LAMA3: variants seen among roughly 807,000 people sequenced by gnomAD.
LAMA3 encodes laminin subunit alpha-3.
LAMA3 carries 281 observed loss-of-function variants against 402.0 expected under a neutral mutation model. That is an observed-to-expected ratio of 0.70 (90% CI 0.63 to 0.77). LAMA3 has a LOEUF of 0.77. LAMA3 is among the 30% of genes least tolerant of loss of function. LAMA3 has a pLI of 0.00. For synonymous variants in LAMA3, 1,431 were observed against 1,558.4 expected (o/e 0.92, Z 1.93); for missense variants, 3,840 against 4,215.5 (o/e 0.91, Z 2.47).
At chr18:23,706,287 G>A (rs2060887767) in intron 1 of LAMA3, among the ~76,000 whole-genome samples, 2 of 152,172 alleles carry the variant, frequency 1.3e-5, no homozygotes, top group African/African-American at 4.8e-5. Context: ...TGTGAATAGT[G>A]TTGAATATAA....
intron 27 of LAMA3, among the ~76,000 whole-genome samples, 170 bp downstream of exon 27, chr18:23,840,099 A>T (rs563914903): frequency 2.6e-4 from 39 of 152,308 alleles, no homozygotes; most frequent in Admixed American, 2.4e-3. Flanking sequence ...CAAACCCTCC[A>T]GGTGATTCTG....
At chr18:23,858,890 A>G (rs2064149801) in intron 34 of LAMA3, 61 bp downstream of exon 34, 2 of 1,533,306 alleles carry the variant, frequency 1.3e-6, no homozygotes, top group East Asian at 4.5e-5. Context: ...AATGATAAGC[A>G]TATCCCTCGC....
chr18:23,919,033 A>G (rs918100627), intron 60 of LAMA3, among the ~76,000 whole-genome samples: 3 of 152,226 alleles, frequency 2.0e-5, no homozygotes, highest in African/African-American at 7.2e-5. Context: ...TATAATTTGA[A>G]GTTCTTGGAG....
At position 23,858,849 on chromosome 18, in the gene LAMA3, G is replaced by T. The variant is rs759956499; in HGVS notation, c.4422+20G>T. Reference sequence around the variant, plus strand: ...ACTAAGGTATGCATTGACAGAAAGTGCTGGGGAACATTTTGTACATGGATT... The same window carrying T: ...ACTAAGGTATGCATTGACAGAAAGTTCTGGGGAACATTTTGTACATGGATT... On this transcript the variant is annotated intron_variant, in intron 34 of 74. Coordinates refer to ENST00000313654, the MANE Select transcript of LAMA3 (RefSeq NM_198129.4). 1 of 1,612,556 alleles carries T rather than the reference G, an allele frequency of 6.2e-7. No individual in the cohort carries two copies. The highest frequency in any genetic ancestry group is 8.5e-7 in the Non-Finnish European group (1 of 1,178,756).
At chr18:23,736,944 C>A (rs1053617714) in intron 2 of LAMA3, among the ~76,000 whole-genome samples, 1 of 152,144 alleles carries the variant, frequency 6.6e-6, no homozygotes, top group Non-Finnish European at 1.5e-5. Context: ...CCTCTTAAGA[C>A]CCAGACTGCA....
intron 51 of LAMA3, 124 bp downstream of exon 51, chr18:23,904,818 G>A: frequency 1.9e-6 from 2 of 1,061,350 alleles, no homozygotes; most frequent in Non-Finnish European, 2.8e-6. Flanking sequence ...TTGTTGTATA[G>A]AATAGAACTT....
chr18:23,901,992 C>G (rs191635580), intron 48 of LAMA3, among the ~76,000 whole-genome samples: 5 of 152,340 alleles, frequency 3.3e-5, no homozygotes, highest in Admixed American at 2.0e-4. Flanking sequence ...CCATGCCCGG[C>G]CTTATAGTTC....
Position 23,914,835 on chromosome 18 carries a change from T to C in LAMA3, c.7619T>C (p.Val2540Ala), listed in dbSNP as rs2081559087. 6.2e-7 allele frequency: 1 copy of C among 1,612,880 alleles called. No individual in the cohort carries two copies. Among genetic ancestry groups the C allele is most frequent in the African/African-American group, 1.3e-5 (1 of 74,902 alleles). Residue 2540 changes from valine (V) to alanine (A), a missense_variant, in exon 58 of 75, where the codon GTT (valine) becomes GCT (alanine). By Grantham distance (64) the Val-to-Ala change is moderately conservative. Transcript: ENST00000313654. ...GATCCTGAAAATGTTGTATTTTATG[T>C]TGGAGGTTACCCACCTGATTTTAAA... The part of the protein sequence containing the change: ...NLDPENVVFY[V>A]GGYPPDFKLP...
intron 13 of LAMA3, 91 bp from the exon 14 acceptor site, chr18:23,812,966 T>G (rs1568210453): frequency 3.4e-6 from 3 of 888,838 alleles, no homozygotes; most frequent in Admixed American, 1.8e-5. Context: ...GATACACTAT[T>G]TTTGAAAACA....
chr18:23,876,333 T>C lies in LAMA3; in HGVS notation c.5038T>C (p.Tyr1680His), dbSNP rs566073985. The C allele has an allele frequency of 6.2e-7, 1 of 1,614,136 alleles. No homozygotes were observed. The highest frequency in any genetic ancestry group is 1.7e-5 in the Admixed American group (1 of 60,030). ...PGYYRDHKGL[Y>H]TGRCVPCNCN... ...ATACTATCGGGATCATAAAGGCTTG[T>C]ATACCGGACGGTGTGTTCCCTGCAA... The change falls in exon 39 of 75, where the codon TAT becomes CAT. Residue 1680 changes from tyrosine to histidine, a missense_variant. Transcript: ENST00000313654.
rs373525276 is a variant in LAMA3 at position 23,838,904 on chromosome 18, C to T, written c.3191+26C>T. Reference sequence around the variant, plus strand: ...GTAATGTGTTTCCTTCCTGTCTCCCCGTTCATGTTCTGAGTGATACTGGGA... The same window carrying T: ...GTAATGTGTTTCCTTCCTGTCTCCCTGTTCATGTTCTGAGTGATACTGGGA... On this transcript the variant is annotated intron_variant, in intron 26 of 74. Coordinates refer to ENST00000313654, the MANE Select transcript of LAMA3 (RefSeq NM_198129.4). 167 of 1,341,614 alleles carry T rather than the reference C, an allele frequency of 1.2e-4. No homozygotes were observed. In the African/African-American group the frequency reaches 1.5e-3, roughly 12 times the overall value. The allele number at this position is 1,341,614 out of a possible 1,614,324, so 83.1% of individuals were successfully genotyped here.
At chr18:23,855,543 G>A (rs1034610553) in intron 32 of LAMA3, among the ~76,000 whole-genome samples, 3 of 152,172 alleles carry the variant, frequency 2.0e-5, no homozygotes, top group Non-Finnish European at 4.4e-5. Context: ...CATTTAGTCC[G>A]AGGGTCACAA....
rs180874029 is a variant in LAMA3, at chr18:23,741,410, T to C, written c.448-6533T>C. Among the ~76,000 whole-genome samples, 6 of 152,302 alleles carry C rather than the reference T, an allele frequency of 3.9e-5. No individual in the cohort carries two copies. In the East Asian group the frequency reaches 1.2e-3, roughly 29 times the overall value. On this transcript the variant is annotated intron_variant, in intron 2 of 74. Transcript: ENST00000313654. ...CCTGGCCTTGGTTGTTCTGTGAGGA[T>C]TGTACTTCATTTTGTAAAAAAATGT...
chr18:23,904,449 A>T, intron 50 of LAMA3, 104 bp from the exon 51 acceptor site: 1 of 1,300,794 alleles, frequency 7.7e-7, no homozygotes, highest in Non-Finnish European at 1.1e-6. Context: ...CTTAAAAAAA[A>T]AAAAGAAAGA....
intron 32 of LAMA3, among the ~76,000 whole-genome samples, chr18:23,856,125 A>G (rs916534399): frequency 7.9e-5 from 12 of 152,194 alleles, no homozygotes; most frequent in African/African-American, 4.8e-5. Context: ...AAAGTGACCA[A>G]TTTGCCCAAG....
rs558758284 is a variant in LAMA3 at position 23,771,136 on chromosome 18, C to A, written c.1183-2361C>A. On this transcript the variant is annotated intron_variant, in intron 8 of 74. Coordinates refer to ENST00000313654, the MANE Select transcript of LAMA3 (RefSeq NM_198129.4). ...TTATAGTAGCTTTATGCAAATACCC[C>A]CAACTAGAAATAGCCCAGGTGACCA... Among the ~76,000 whole-genome samples, 3 of 152,262 alleles carry A rather than the reference C, an allele frequency of 2.0e-5. No individual in the cohort carries two copies. The South Asian group carries it at 6.2e-4, about 32-fold the overall frequency.
chr18:23,812,574 T>A (rs952768739), intron 13 of LAMA3, among the ~76,000 whole-genome samples: 7 of 152,248 alleles, frequency 4.6e-5, no homozygotes, highest in African/African-American at 1.7e-4. Context: ...AGATTATATT[T>A]GGTTTGTAGT....
chr18:23,887,765 C>G (rs1173082526), intron 41 of LAMA3, among the ~76,000 whole-genome samples: 2 of 152,214 alleles, frequency 1.3e-5, no homozygotes, highest in Non-Finnish European at 2.9e-5. Flanking sequence ...CAAAGGCTTT[C>G]CAGCCCATGC....
Position 23,904,102 on chromosome 18 carries a change from C to G in LAMA3, c.6473+15C>G. 6.2e-7 allele frequency: 1 copy of G among 1,612,978 alleles called. No homozygotes were observed. Among genetic ancestry groups the G allele is most frequent in the Non-Finnish European group, 8.5e-7 (1 of 1,179,896 alleles). Reference sequence around the variant, plus strand: ...CAGCTGGAAGAGTGAGTGCATGGCCCAGGAGACCAGAAGGGCACGTGGGCT... The same window carrying G: ...CAGCTGGAAGAGTGAGTGCATGGCCGAGGAGACCAGAAGGGCACGTGGGCT... On this transcript the variant is annotated intron_variant, in intron 50 of 74. Coordinates refer to ENST00000313654, the MANE Select transcript of LAMA3 (RefSeq NM_198129.4).
Sources: allele counts gnomAD v4.1 joint callset (sites outside exome capture counted in the v4.1 genomes callset), GRCh38; gene constraint gnomAD v4.1.1; transcripts MANE v1.5; gene names NCBI Gene and HGNC (gene_info 2026-07-23, HGNC 2026-07-21).